Variants in PTPN13 observed in about 807,000 individuals in gnomAD.
PTPN13 encodes the protein tyrosine-protein phosphatase non-receptor type 13.
In PTPN13, 191 loss-of-function variants were observed where a neutral mutation model predicts 284.0. The ratio of observed to expected loss-of-function variants is 0.67; its 90% CI spans 0.60 to 0.76. The LOEUF (loss-of-function observed/expected upper bound fraction) is 0.76, where lower values mean the gene tolerates loss of function less well. Ranked by LOEUF, PTPN13 falls within the 30% of genes least tolerant of loss-of-function variation. The pLI, the probability that PTPN13 is intolerant of heterozygous loss-of-function variation, is 0.00. For missense variants in PTPN13, 2,797 were observed against 2,939.9 expected, an observed-to-expected ratio of 0.95 and a Z score of 1.12; for synonymous variants, 986 against 1,022.3, an observed-to-expected ratio of 0.96 and a Z score of 0.68.
At chr4:86,647,141 T>C (rs1724538007) in intron 2 of PTPN13, among the ~76,000 whole-genome samples, 1 of 152,180 alleles carries the variant, frequency 6.6e-6, no homozygotes, top group Non-Finnish European at 1.5e-5. Context: ...ATTAATTATC[T>C]TGATTTGATT....
Position 86,689,206 on chromosome 4 carries a change from A to G in PTPN13, c.546+16A>G, listed in dbSNP as rs1322546034. On this transcript the variant is annotated intron_variant, in intron 5 of 47. Transcript: ENST00000411767. ...TCTTTCTGGGGTAAGCTACAGTTAC[A>G]ATAGTAAATATAGTCATATTTTAAA... The G allele has an allele frequency of 1.9e-6, 3 of 1,596,134 alleles. No homozygotes were observed. The highest frequency in any genetic ancestry group is 1.3e-5 in the African/African-American group (1 of 74,456).
At chr4:86,634,882 G>T (rs955733839) in intron 1 of PTPN13, among the ~76,000 whole-genome samples, 1 of 152,094 alleles carries the variant, frequency 6.6e-6, no homozygotes, top group Non-Finnish European at 1.5e-5. Context: ...GGATGGATAG[G>T]ATGAAACCTG....
At chr4:86,731,314 G>A (rs982127742) in intron 10 of PTPN13, among the ~76,000 whole-genome samples, 1 of 152,098 alleles carries the variant, frequency 6.6e-6, no homozygotes, top group Non-Finnish European at 1.5e-5. Flanking sequence ...CTTGTTTTAA[G>A]TTGTCTCCTA....
chr4:86,760,974 A>T (rs1390117323), intron 23 of PTPN13, among the ~76,000 whole-genome samples: 1 of 151,694 alleles, frequency 6.6e-6, no homozygotes, highest in Non-Finnish European at 1.5e-5. Flanking sequence ...GCTAATTTTT[A>T]AAGTTACAGA....
At chr4:86,647,270 C>G (rs1308156591) in intron 2 of PTPN13, among the ~76,000 whole-genome samples, 2 of 152,180 alleles carry the variant, frequency 1.3e-5, no homozygotes, top group African/African-American at 2.4e-5. Flanking sequence ...AAAGGAATAT[C>G]AAACATTTTT....
chr4:86,757,983 A>C (rs1738178818), intron 20 of PTPN13, among the ~76,000 whole-genome samples: 2 of 152,194 alleles, frequency 1.3e-5, no homozygotes, highest in Admixed American at 1.3e-4. Context: ...ACTTGTGCAA[A>C]TCATTTAACC....
rs193190412 is a variant in PTPN13, at chr4:86,803,931, G to A, written c.6654+74G>A. On this transcript the variant is annotated intron_variant, in intron 43 of 47. Transcript: ENST00000411767. ...TTGTAAGGAAAATGTATCTTTACTG[G>A]CCCAAGATTAGAAGAATTTTTGAAA... The A allele has an allele frequency of 1.8e-5, 26 of 1,485,634 alleles. No individual in the cohort carries two copies. In the Admixed American group the frequency reaches 5.2e-4, roughly 30 times the overall value. 92.0% of individuals were successfully genotyped at this position (1,485,634 alleles called of 1,614,324 possible). A position where few individuals can be genotyped will look rare whatever the true frequency, so the allele number is the denominator to read the frequency against.
intron 3 of PTPN13, among the ~76,000 whole-genome samples, chr4:86,672,919 A>T (rs1727869778): frequency 5.9e-5 from 9 of 152,210 alleles, no homozygotes; most frequent in Admixed American, 5.9e-4. Flanking sequence ...TTCATGGAAG[A>T]CAGTTTTTCC....
At chr4:86,666,176 C>G (rs1727050816) in intron 2 of PTPN13, among the ~76,000 whole-genome samples, 1 of 152,152 alleles carries the variant, frequency 6.6e-6, no homozygotes, top group African/African-American at 2.4e-5. Flanking sequence ...ACTATACTGT[C>G]TCTCAGTAAA....
intron 5 of PTPN13, among the ~76,000 whole-genome samples, chr4:86,692,702 C>CT (rs1206766605): frequency 1.3e-5 from 2 of 152,112 alleles, no homozygotes; most frequent in Non-Finnish European, 2.9e-5. Context: ...AGCTATTAAA[C>CT]TTTAAGATTA....
intron 9 of PTPN13, 45 bp from the exon 10 acceptor site, chr4:86,722,167 A>G (rs771009857): frequency 6.6e-7 from 1 of 1,512,298 alleles, no homozygotes; most frequent in Non-Finnish European, 9.1e-7. Context: ...CCTTAAAACA[A>G]TTGTTTTCCT....
chr4:86,738,157 A>G (rs1279999980), intron 15 of PTPN13, among the ~76,000 whole-genome samples: 4 of 152,194 alleles, frequency 2.6e-5, no homozygotes, highest in Admixed American at 2.6e-4. Flanking sequence ...TGATAGATAT[A>G]AAGCTGTTAT....
intron 42 of PTPN13, 119 bp from the exon 43 acceptor site, chr4:86,803,590 C>A (rs1300231697): frequency 3.2e-5 from 35 of 1,085,144 alleles, no homozygotes; most frequent in Non-Finnish European, 3.2e-5. Context: ...AAGATTCTAT[C>A]TCTAAATAAA....
At chr4:86,686,077 G>T (rs1247505247) in intron 3 of PTPN13, among the ~76,000 whole-genome samples, 2 of 152,176 alleles carry the variant, frequency 1.3e-5, no homozygotes, top group Non-Finnish European at 2.9e-5. Context: ...AATGCAAGGT[G>T]CCTGCCAGGC....
intron 1 of PTPN13, among the ~76,000 whole-genome samples, chr4:86,616,899 CTTAA>C (rs1272685437): frequency 2.0e-5 from 3 of 152,256 alleles, no homozygotes; most frequent in South Asian, 2.1e-4. Context: ...AATGCAAGGG[CTTAA>C]TTAAGAGTCA....
intron 9 of PTPN13, among the ~76,000 whole-genome samples, chr4:86,720,658 G>A (rs988502392): frequency 3.3e-5 from 5 of 152,044 alleles, no homozygotes; most frequent in Admixed American, 2.0e-4. Flanking sequence ...TAACATGCTG[G>A]TACGTAATCA....
chr4:86,654,817 A>C (rs1219254334), intron 2 of PTPN13, among the ~76,000 whole-genome samples: 1 of 152,156 alleles, frequency 6.6e-6, no homozygotes, highest in African/African-American at 2.4e-5. Flanking sequence ...TGTCTCATTG[A>C]TATGTCTAAT....
intron 9 of PTPN13, 26 bp from the exon 10 acceptor site, chr4:86,722,186 T>C: frequency 6.4e-7 from 1 of 1,568,724 alleles, no homozygotes; most frequent in South Asian, 1.1e-5. Flanking sequence ...CTCCCAATCC[T>C]CACCTGTCTC....
intron 1 of PTPN13, among the ~76,000 whole-genome samples, chr4:86,625,851 A>G (rs1721777626): frequency 6.6e-6 from 1 of 152,204 alleles, no homozygotes; most frequent in Non-Finnish European, 1.5e-5. Flanking sequence ...TACAATGTAA[A>G]GGACAAATAT....
Sources: allele counts gnomAD v4.1 joint callset (sites outside exome capture counted in the v4.1 genomes callset), GRCh38; gene constraint gnomAD v4.1.1; transcripts MANE v1.5; gene names NCBI Gene and HGNC (gene_info 2026-07-23, HGNC 2026-07-21).